The following SLC9A8 variants were observed in gnomAD, a reference collection of about 807,000 sequenced individuals.
SLC9A8 encodes the protein sodium/hydrogen exchanger 8.
Under a neutral mutation model 66.6 loss-of-function variants are expected in SLC9A8, and 48 were observed. The ratio of observed to expected loss-of-function variants is 0.72; its 90% confidence interval spans 0.57 to 0.92. The LOEUF (loss-of-function observed/expected upper bound fraction) is 0.92, where lower values mean the gene tolerates loss of function less well. Among genes scored for constraint, SLC9A8 ranks in the 40% least tolerant of loss-of-function variants. The pLI, the probability that SLC9A8 is intolerant of heterozygous loss-of-function variation, is 0.00. For synonymous variants in SLC9A8, 274 were observed against 282.6 expected (o/e 0.97, Z 0.31); for missense variants, 599 against 747.3 (o/e 0.80, Z 2.31).
chr20:49,853,567 G>T lies in SLC9A8; in HGVS notation c.570-1871G>T, dbSNP rs189705042. Among the ~76,000 whole-genome samples the T allele has an allele frequency of 1.1e-3, 167 of 152,344 alleles. 2 individuals are homozygous for T. Among genetic ancestry groups the T allele is most frequent in the Admixed American group, 0.011 (167 of 15,298 alleles). ...TCTGGGTTGTGGTGCAAGGGCCTGG[G>T]GACCAGCCACCAATAAAATAGGATC... is the stretch of plus-strand genomic sequence containing the variant. On this transcript the variant is annotated intron_variant, in intron 7 of 15. Transcript: ENST00000361573.
rs878875090 is a variant in SLC9A8 at position 49,864,561 on chromosome 20, A to G, written c.853-178A>G. ...TTGTCAGATTCCCTTTCTTATAGCA[A>G]CAGTCTCCCTACAAAGGAAAAAATC... is the stretch of plus-strand genomic sequence containing the variant. On this transcript the variant is annotated intron_variant, in intron 9 of 15. Coordinates refer to ENST00000361573, the MANE Select transcript of SLC9A8 (RefSeq NM_015266.3). Among the ~76,000 whole-genome samples the G allele has an allele frequency of 2.0e-5, 3 of 152,248 alleles. No individual in the cohort carries two copies. In the South Asian group the frequency reaches 6.2e-4, roughly 32 times the overall value.
chr20:49,873,063 C>T (rs768162278), intron 10 of SLC9A8, among the ~76,000 whole-genome samples: 1 of 152,162 alleles, frequency 6.6e-6, no homozygotes, highest in Non-Finnish European at 1.5e-5. Flanking sequence ...TGTGTAAGCA[C>T]AGAAGGTTGT....
At chr20:49,859,614 A>T (rs1413288063) in intron 8 of SLC9A8, among the ~76,000 whole-genome samples, 1 of 152,170 alleles carries the variant, frequency 6.6e-6, no homozygotes, top group African/African-American at 2.4e-5. Context: ...GTGAGCTGAC[A>T]CATTTATCTT....
Position 49,850,837 on chromosome 20 carries a change from A to G in SLC9A8, c.562A>G (p.Thr188Ala), listed in dbSNP as rs375047639. 5.0e-6 allele frequency: 8 copies of G among 1,609,922 alleles called. No homozygotes were observed. Among genetic ancestry groups the G allele is most frequent in the Non-Finnish European group, 6.8e-6 (8 of 1,178,506 alleles). ...TGATGTAATCTCTAAACTCAACATGACAGACAGGTAAATCCTTCATACTGT... is the reference window on the plus strand; with the variant it reads ...TGATGTAATCTCTAAACTCAACATGGCAGACAGGTAAATCCTTCATACTGT... ...QADVISKLNM[T>A]DSFAFGSLIS... The change falls in exon 7 of 16, where the codon ACA (threonine) becomes GCA (alanine). Residue 188 changes from threonine (T) to alanine (A), a missense_variant. Thr to Ala is a moderately conservative substitution (Grantham distance 58). Coordinates refer to ENST00000361573, the MANE Select transcript of SLC9A8 (RefSeq NM_015266.3).
chr20:49,884,848 GCTA>G (rs1260950937), intron 14 of SLC9A8, among the ~76,000 whole-genome samples: 1 of 152,210 alleles, frequency 6.6e-6, no homozygotes, highest in East Asian at 1.9e-4. Flanking sequence ...CCTGTGCAAA[GCTA>G]GGCCCTCTGA....
At chr20:49,851,697 T>A (rs898379924) in intron 7 of SLC9A8, among the ~76,000 whole-genome samples, 2 of 152,186 alleles carry the variant, frequency 1.3e-5, no homozygotes, top group Admixed American at 6.5e-5. Context: ...ATTCTATTTC[T>A]ACCTCCACTC....
chr20:49,873,409 G>C (rs555881487), intron 10 of SLC9A8, among the ~76,000 whole-genome samples: 2 of 151,170 alleles, frequency 1.3e-5, no homozygotes, highest in South Asian at 4.2e-4. Context: ...TTGAGCCCAG[G>C]AGATGGAGGT....
At chr20:49,830,275 C>A in intron 3 of SLC9A8, 1 of 1,120,366 alleles carries the variant, frequency 8.9e-7, no homozygotes, top group Non-Finnish European at 1.4e-6. Context: ...GGAATCGTCT[C>A]TAACTTGCTA....
intron 12 of SLC9A8, among the ~76,000 whole-genome samples, chr20:49,878,829 C>A (rs908514311): frequency 5.9e-5 from 9 of 152,048 alleles, no homozygotes; most frequent in African/African-American, 2.2e-4. Flanking sequence ...ACCAGCCTGG[C>A]AAACATGGTG....
intron 3 of SLC9A8, among the ~76,000 whole-genome samples, chr20:49,832,098 C>T (rs2087224195): frequency 6.6e-6 from 1 of 152,180 alleles, no homozygotes; most frequent in Non-Finnish European, 1.5e-5. Flanking sequence ...GTCCCACATT[C>T]TCCAGCCTGC....
intron 8 of SLC9A8, among the ~76,000 whole-genome samples, chr20:49,857,076 C>T (rs913442396): frequency 2.6e-5 from 4 of 152,188 alleles, no homozygotes; most frequent in Non-Finnish European, 5.9e-5. Flanking sequence ...AGGCAGGCAA[C>T]AAACCCAAAG....
chr20:49,823,916 C>T (rs2086829397), intron 3 of SLC9A8, among the ~76,000 whole-genome samples: 1 of 152,222 alleles, frequency 6.6e-6, no homozygotes, highest in Admixed American at 6.5e-5. Flanking sequence ...TTCCTGATCA[C>T]TGCTGATGTT....
Position 49,884,237 on chromosome 20 carries a change from C to CACG in SLC9A8, c.1491+173_1491+174insGAC, listed in dbSNP as rs1555848277. On this transcript the variant is annotated intron_variant, in intron 14 of 15. Coordinates refer to ENST00000361573, the MANE Select transcript of SLC9A8 (RefSeq NM_015266.3). Reference sequence around the variant, plus strand: ...ACACACACACACACACACACACACACACACGACACACACACACACACGACA... The same window carrying CACG: ...ACACACACACACACACACACACACACACGACACGACACACACACACACACGACA... 8.1e-3 allele frequency: 1,425 copies of CACG among 175,140 alleles called. 47 individuals carry two copies. Among genetic ancestry groups the CACG allele is most frequent in the African/African-American group, 0.065 (948 of 14,598 alleles). 10.8% of individuals were successfully genotyped at this position (175,140 alleles called of 1,614,324 possible). A position where few individuals can be genotyped will look rare whatever the true frequency, so the allele number is the denominator to read the frequency against.
In SLC9A8 at chr20:49,814,993, T is replaced by C; in HGVS notation, c.27-15T>C. ...CCCTTTTCCATTATCTAATTATGCT[T>C]TCTATGTCCTCCAGGAGGTTCCCCA... On this transcript the variant is annotated splice_polypyrimidine_tract_variant and intron_variant, in intron 1 of 15. Coordinates refer to ENST00000361573, the MANE Select transcript of SLC9A8 (RefSeq NM_015266.3). 2.0e-6 allele frequency: 3 copies of C among 1,504,284 alleles called. No homozygotes were observed. Among genetic ancestry groups the C allele is most frequent in the Non-Finnish European group, 2.7e-6 (3 of 1,119,130 alleles). 93.2% of individuals were successfully genotyped at this position (1,504,284 alleles called of 1,614,324 possible). A position where few individuals can be genotyped will look rare whatever the true frequency, so the allele number is the denominator to read the frequency against.
intron 3 of SLC9A8, among the ~76,000 whole-genome samples, chr20:49,823,670 C>A (rs916619334): frequency 6.6e-6 from 1 of 151,998 alleles, no homozygotes; most frequent in Non-Finnish European, 1.5e-5. Flanking sequence ...GATCTAGTTG[C>A]AGTGAATGAA....
chr20:49,869,897 G>T (rs1307702417), intron 10 of SLC9A8, among the ~76,000 whole-genome samples: 1 of 152,094 alleles, frequency 6.6e-6, no homozygotes, highest in Non-Finnish European at 1.5e-5. Flanking sequence ...AGAATGTATG[G>T]TGCAGTGCTC....
In SLC9A8 at chr20:49,891,244, G is replaced by A. The variant is rs41283584; in HGVS notation, c.*3308G>A. 5,592 of 152,048 alleles carry A rather than the reference G, an allele frequency of 0.037. 143 individuals are homozygous for A. The highest frequency in any genetic ancestry group is 0.087 in the East Asian group (447 of 5,136). The allele number at this position is 152,048 out of a possible 1,614,324, so 9.4% of individuals were successfully genotyped here. On this transcript the variant is annotated 3_prime_UTR_variant, in exon 16 of 16. Coordinates refer to ENST00000361573, the MANE Select transcript of SLC9A8 (RefSeq NM_015266.3). Reference sequence around the variant, plus strand: ...CCCTCCACCCCCCGCATTCCCTGCCGAGTGAGAGCCAGTGTTTGCTGCCCT... The same window carrying A: ...CCCTCCACCCCCCGCATTCCCTGCCAAGTGAGAGCCAGTGTTTGCTGCCCT...
chr20:49,874,133 A>G (rs1485822956), intron 10 of SLC9A8, among the ~76,000 whole-genome samples: 2 of 152,018 alleles, frequency 1.3e-5, no homozygotes, highest in African/African-American at 4.8e-5. Context: ...TGCCTGTAGT[A>G]GTCCCAGCTA....
At chr20:49,851,575 A>C (rs1217371774) in intron 7 of SLC9A8, among the ~76,000 whole-genome samples, 1 of 152,178 alleles carries the variant, frequency 6.6e-6, no homozygotes, top group East Asian at 1.9e-4. Context: ...TCGTCCCCAG[A>C]TCCTTGCCAT....
Sources: gnomAD v4.1 joint callset for allele counts (sites outside exome capture counted in the v4.1 genomes callset) on GRCh38, gnomAD v4.1.1 for gene constraint, MANE v1.5 for transcripts, NCBI Gene and HGNC (gene_info 2026-07-23, HGNC 2026-07-21) for gene names.